ECPAS: variants seen among roughly 807,000 people sequenced by gnomAD.
ECPAS encodes the protein Ecm29 proteasome adaptor and scaffold.
Under a neutral mutation model 255.1 loss-of-function variants are expected in ECPAS, and 70 were observed. The ratio of observed to expected loss-of-function variants is 0.27; its 90% CI spans 0.23 to 0.33. ECPAS has a LOEUF of 0.33. Ranked by LOEUF, ECPAS falls within the 10% of genes least tolerant of loss-of-function variation. ECPAS has a pLI of 1.00. For missense variants in ECPAS, 1,817 were observed against 2,206.4 expected, an observed-to-expected ratio of 0.82 and a Z score of 3.54; for synonymous variants, 784 against 775.0, an observed-to-expected ratio of 1.01 and a Z score of -0.19.
At chr9:111,368,033 T>TC (rs2098122613) in intron 46 of ECPAS, among the ~76,000 whole-genome samples, 1 of 134,560 alleles carries the variant, frequency 7.4e-6, no homozygotes, top group African/African-American at 3.3e-5. Context: ...AGACCCTGTC[T>TC]CAAAAAAAAA....
chr9:111,472,533 TG>T, intron 2 of ECPAS, among the ~76,000 whole-genome samples: 1 of 148,386 alleles, frequency 6.7e-6, no homozygotes, highest in Admixed American at 6.8e-5. Context: ...AGCTACTCGG[TG>T]GGGCTGAGGC....
At chr9:111,412,743 A>T (rs994093033) in intron 20 of ECPAS, among the ~76,000 whole-genome samples, 4 of 152,090 alleles carry the variant, frequency 2.6e-5, no homozygotes, top group South Asian at 4.1e-4. Flanking sequence ...CATAAGAAAT[A>T]AAAAAACCTT....
chr9:111,393,812 CA>C, intron 26 of ECPAS, 78 bp from the exon 27 acceptor site: 1 of 1,063,844 alleles, frequency 9.4e-7, no homozygotes, highest in Non-Finnish European at 1.4e-6. Flanking sequence ...TCACCGTGTA[CA>C]AAATTTGTAG....
intron 2 of ECPAS, among the ~76,000 whole-genome samples, chr9:111,469,808 CAAA>C (rs1221610578): frequency 7.9e-6 from 1 of 127,096 alleles, no homozygotes; most frequent in African/African-American, 2.9e-5. Context: ...GACTCTGTCT[CAAA>C]AAAAAAAAAG....
At chr9:111,440,082 G>A (rs1228863018) in intron 6 of ECPAS, among the ~76,000 whole-genome samples, 1 of 151,858 alleles carries the variant, frequency 6.6e-6, no homozygotes, top group Non-Finnish European at 1.5e-5. Context: ...AGGCTGGTCT[G>A]AAACTCCTAG....
intron 1 of ECPAS, among the ~76,000 whole-genome samples, chr9:111,482,161 G>A (rs1461195568): frequency 6.6e-6 from 1 of 152,168 alleles, no homozygotes; most frequent in Non-Finnish European, 1.5e-5. Flanking sequence ...AGAAGGCCTG[G>A]TGGTGCTTCC....
At chr9:111,450,590 C>A (rs1184071966) in intron 3 of ECPAS, among the ~76,000 whole-genome samples, 2 of 152,110 alleles carry the variant, frequency 1.3e-5, no homozygotes, top group African/African-American at 2.4e-5. Flanking sequence ...AAATATTCTA[C>A]AAATCAAGGG....
chr9:111,384,504 G>GT lies in ECPAS; in HGVS notation c.3681+17dup, dbSNP rs756145595. ...AACCCTGCTCCACTCCATTCCCAAT[G>GT]TAAGACGGGGTTTTCACCTTGCTCA... On this transcript the variant is annotated intron_variant, in intron 34 of 49. Coordinates refer to ENST00000684092, the MANE Select transcript of ECPAS (RefSeq NM_001364929.1). 1.6e-5 allele frequency: 26 copies of GT among 1,610,852 alleles called. 1 individual carries two copies. The South Asian group carries it at 2.7e-4, about 17-fold the overall frequency.
In ECPAS at chr9:111,470,404, G is replaced by A. The variant is rs796664816; in HGVS notation, c.22+2493C>T. On this transcript the variant is annotated intron_variant, in intron 2 of 49. Transcript: ENST00000684092. Reference sequence around the variant, plus strand: ...CTGCTCACCACAACCTCCCCGTCCCGGGTTCAAGTGACTCTCCTGCCTCAG... The same window carrying A: ...CTGCTCACCACAACCTCCCCGTCCCAGGTTCAAGTGACTCTCCTGCCTCAG... Among the ~76,000 whole-genome samples the A allele has an allele frequency of 7.9e-5, 12 of 151,116 alleles. No homozygotes were observed. In the South Asian group the frequency reaches 2.6e-3, roughly 33 times the overall value.
At chr9:111,369,379 G>T (rs2098124618) in intron 45 of ECPAS, among the ~76,000 whole-genome samples, 1 of 152,094 alleles carries the variant, frequency 6.6e-6, no homozygotes, top group Non-Finnish European at 1.5e-5. Flanking sequence ...TACTTTACAG[G>T]CATCTGTAAA....
Position 111,407,432 on chromosome 9 carries a change from A to AAAAC in ECPAS, c.2652+1138_2652+1139insGTTT, listed in dbSNP as rs2098186570. ...AAAAAAAAAAAAAAAAAAAAAAAAAAAAAAAACCTAGAAGAAACCCACCTC... is the reference window on the plus strand; with the variant it reads ...AAAAAAAAAAAAAAAAAAAAAAAAAAAAACAAAAAACCTAGAAGAAACCCACCTC... On this transcript the variant is annotated intron_variant, in intron 24 of 49. Transcript: ENST00000684092. 3.2e-4 allele frequency among the ~76,000 whole-genome samples: 45 copies of AAAAC among 142,832 alleles called. 1 individual carries two copies. Among genetic ancestry groups the AAAAC allele is most frequent in the Middle Eastern group, 3.6e-3 (1 of 278 alleles). The allele number at this position is 142,832 out of a possible 152,430, so 93.7% of individuals were successfully genotyped here.
intron 2 of ECPAS, among the ~76,000 whole-genome samples, chr9:111,452,998 C>T (rs974603898): frequency 1.3e-5 from 2 of 152,090 alleles, no homozygotes; most frequent in Admixed American, 1.3e-4. Context: ...AATCCCAACA[C>T]TTTGAGAGAC....
chr9:111,369,115 T>C lies in ECPAS; in HGVS notation c.5033A>G (p.Glu1678Gly), dbSNP rs1230511379. 2.5e-6 allele frequency: 4 copies of C among 1,608,318 alleles called. No individual in the cohort carries two copies. Among genetic ancestry groups the C allele is most frequent in the Non-Finnish European group, 2.5e-6 (3 of 1,177,876 alleles). Reference protein sequence around the residue: ...TTKNEEENEKEKELQLEYLLG... With the variant: ...TTKNEEENEKGKELQLEYLLG... ...CAGATATTCCAGCTGGAGCTCCTTTTCCTTTTCATTCTCCTCTTCATTTTT... is the reference window on the plus strand; with the variant it reads ...CAGATATTCCAGCTGGAGCTCCTTTCCCTTTTCATTCTCCTCTTCATTTTT... Residue 1678 changes from glutamate (E) to glycine (G), a missense_variant, in exon 46 of 50, where the codon GAA (glutamate) becomes GGA (glycine). Glu to Gly is a moderately conservative substitution (Grantham distance 98). Transcript: ENST00000684092.
At chr9:111,412,169 A>C (rs969718535) in intron 20 of ECPAS, 21 bp from the exon 21 acceptor site, 7 of 1,541,020 alleles carry the variant, frequency 4.5e-6, no homozygotes, top group Admixed American at 2.5e-5. Context: ...TAAAAAAAAA[A>C]CAAATATATA....
chr9:111,435,881 G>A (rs1218805996), intron 7 of ECPAS, among the ~76,000 whole-genome samples: 8 of 147,134 alleles, frequency 5.4e-5, no homozygotes, highest in Non-Finnish European at 1.2e-4. Flanking sequence ...GAAGAAACAG[G>A]GTTTCACCAT....
intron 35 of ECPAS, among the ~76,000 whole-genome samples, chr9:111,379,852 G>A (rs1250281913): frequency 2.0e-5 from 3 of 152,186 alleles, no homozygotes; most frequent in African/African-American, 7.2e-5. Flanking sequence ...TCAGGAGATT[G>A]CAACAATTCA....
At chr9:111,481,585 T>A (rs2098305314) in intron 1 of ECPAS, among the ~76,000 whole-genome samples, 1 of 152,130 alleles carries the variant, frequency 6.6e-6, no homozygotes, top group Admixed American at 6.5e-5. Context: ...GATCCAGCAA[T>A]TACATTTCTG....
In ECPAS at chr9:111,371,779, G is replaced by C. The variant is rs955229543; in HGVS notation, c.4579C>G (p.Gln1527Glu). ...LYLQELITITQKALQSQSWKM... is the reference protein window; with the variant it reads ...LYLQELITITEKALQSQSWKM... The stretch of plus-strand genomic sequence containing the variant: ...CAGGACTGAGACTGCAAAGCCTTCT[G>C]GGTAATAGTAATTAACTCCTGCAGG... Residue 1527 changes from glutamine (Q) to glutamate (E), a missense_variant, in exon 43 of 50, where the codon CAG (glutamine) becomes GAG (glutamate). This residue lies in a region of ECPAS where 960 missense variants were observed against 1,179.0 expected (regional missense o/e 0.81). Transcript: ENST00000684092. 1.9e-6 allele frequency: 3 copies of C among 1,613,734 alleles called. No individual in the cohort carries two copies. In the African/African-American group the frequency reaches 4.0e-5, roughly 22 times the overall value.
intron 3 of ECPAS, among the ~76,000 whole-genome samples, chr9:111,451,063 T>A (rs188631320): frequency 9.5e-4 from 144 of 152,378 alleles, no homozygotes; most frequent in African/African-American, 3.3e-3. Context: ...TACTTTTAGT[T>A]AAGGTTATAA....
Sources: gnomAD v4.1 joint callset for allele counts (sites outside exome capture counted in the v4.1 genomes callset) on GRCh38, gnomAD v4.1.1 for gene constraint, gnomAD v4.1.1 regional missense constraint, MANE v1.5 for transcripts, NCBI Gene and HGNC (gene_info 2026-07-23, HGNC 2026-07-21) for gene names.